Variants in NLGN1 observed in about 807,000 individuals in gnomAD.
NLGN1 encodes neuroligin 1, also known as neuroligin-1.
Under a neutral mutation model 65.5 loss-of-function variants are expected in NLGN1, and 12 were observed. The ratio of observed to expected loss-of-function variants is 0.18; its 90% CI spans 0.12 to 0.30. The LOEUF is 0.30. NLGN1 is among the 10% of genes least tolerant of loss of function. The pLI is 1.00. For missense variants in NLGN1, 750 were observed against 1,007.1 expected (o/e 0.74, Z 3.46); for synonymous variants, 350 against 359.5 (o/e 0.97, Z 0.30).
At chr3:173,760,273 C>T (rs893031326) in intron 3 of NLGN1, among the ~76,000 whole-genome samples, 6 of 151,852 alleles carry the variant, frequency 4.0e-5, no homozygotes, top group South Asian at 2.1e-4. Context: ...AAGAAGAATC[C>T]GCATTGAATT....
At chr3:174,137,573 G>A (rs549697706) in intron 4 of NLGN1, among the ~76,000 whole-genome samples, 135 of 152,202 alleles carry the variant, frequency 8.9e-4, no homozygotes, top group African/African-American at 3.0e-3. Flanking sequence ...TCATGGTACT[G>A]AAACAATTTT....
At chr3:174,044,630 AG>A (rs773818437) in intron 4 of NLGN1, among the ~76,000 whole-genome samples, 1 of 152,056 alleles carries the variant, frequency 6.6e-6, no homozygotes, top group Non-Finnish European at 1.5e-5. Flanking sequence ...TATCACTATC[AG>A]CATTTTGGTC....
At chr3:173,399,769 A>G (rs960152995) in intron 1 of NLGN1, 4 of 152,180 alleles carry the variant, frequency 2.6e-5, no homozygotes, top group African/African-American at 4.8e-5. Flanking sequence ...GGTTTTCTTT[A>G]TAGGATAATT....
intron 4 of NLGN1, among the ~76,000 whole-genome samples, chr3:173,990,311 T>G (rs1720832405): frequency 6.6e-6 from 1 of 152,178 alleles, no homozygotes; most frequent in Non-Finnish European, 1.5e-5. Flanking sequence ...AATCAAAAAG[T>G]TCTCTACAAA....
At chr3:174,063,562 T>A (rs1560953335) in intron 4 of NLGN1, among the ~76,000 whole-genome samples, 1 of 152,080 alleles carries the variant, frequency 6.6e-6, no homozygotes, top group East Asian at 1.9e-4. Context: ...TATGACAACA[T>A]TTGCACAAAG....
intron 4 of NLGN1, among the ~76,000 whole-genome samples, chr3:173,844,184 G>A (rs987485739): frequency 6.6e-6 from 1 of 151,960 alleles, no homozygotes; most frequent in Non-Finnish European, 1.5e-5. Flanking sequence ...AACCTCCCAC[G>A]GGGTCCCTCC....
At chr3:174,007,162 C>T (rs1056008490) in intron 4 of NLGN1, among the ~76,000 whole-genome samples, 5 of 152,208 alleles carry the variant, frequency 3.3e-5, no homozygotes, top group African/African-American at 7.2e-5. Flanking sequence ...CACAGTAAGA[C>T]GGTGACCATC....
intron 4 of NLGN1, among the ~76,000 whole-genome samples, chr3:174,157,415 CTA>C (rs1259233735): frequency 6.6e-6 from 1 of 151,556 alleles, no homozygotes; most frequent in African/African-American, 2.4e-5. Flanking sequence ...TTATAAGTCA[CTA>C]TTAAATATGA....
At chr3:174,095,666 A>G (rs1300271404) in intron 4 of NLGN1, among the ~76,000 whole-genome samples, 2 of 152,030 alleles carry the variant, frequency 1.3e-5, no homozygotes, top group Non-Finnish European at 1.5e-5. Context: ...GTGTGTATAG[A>G]TACATATATA....
intron 3 of NLGN1, among the ~76,000 whole-genome samples, chr3:173,665,432 C>T (rs1297942840): frequency 3.3e-5 from 5 of 152,076 alleles, no homozygotes; most frequent in South Asian, 2.1e-4. Context: ...TACTCAGTCT[C>T]GGGTATGTCT....
chr3:174,040,943 T>C (rs1732161364), intron 4 of NLGN1, among the ~76,000 whole-genome samples: 1 of 152,212 alleles, frequency 6.6e-6, no homozygotes, highest in Non-Finnish European at 1.5e-5. Context: ...CCTCAACATG[T>C]ACGTCATTAA....
intron 4 of NLGN1, among the ~76,000 whole-genome samples, chr3:174,108,955 C>T (rs1714590792): frequency 1.3e-5 from 2 of 152,032 alleles, no homozygotes; most frequent in South Asian, 2.1e-4. Context: ...ATATATAGTA[C>T]ATACACACAC....
intron 2 of NLGN1, among the ~76,000 whole-genome samples, chr3:173,469,350 T>C (rs1258515950): frequency 6.6e-6 from 1 of 152,038 alleles, no homozygotes; most frequent in African/African-American, 2.4e-5. Context: ...AACATAGCAA[T>C]ACCTCCCAGA....
chr3:173,488,174 A>G (rs1402094999), intron 2 of NLGN1, among the ~76,000 whole-genome samples: 1 of 151,990 alleles, frequency 6.6e-6, no homozygotes, highest in African/African-American at 2.4e-5. Context: ...CCATAATTAT[A>G]TCTTCTTTTC....
At chr3:174,243,363 G>C (rs140363285) in intron 4 of NLGN1, among the ~76,000 whole-genome samples, 2 of 152,130 alleles carry the variant, frequency 1.3e-5, no homozygotes, top group African/African-American at 2.4e-5. Context: ...TGGAGACTCA[G>C]TCACTATGGC....
intron 5 of NLGN1, among the ~76,000 whole-genome samples, chr3:174,277,680 T>TATTA (rs1242150894): frequency 2.0e-5 from 3 of 151,912 alleles, no homozygotes; most frequent in African/African-American, 7.2e-5. Flanking sequence ...AACAAATGTA[T>TATTA]ATTAATACTG....
intron 4 of NLGN1, among the ~76,000 whole-genome samples, chr3:173,996,491 C>T (rs1249685717): frequency 6.6e-6 from 1 of 152,092 alleles, no homozygotes; most frequent in African/African-American, 2.4e-5. Context: ...ATTTGAGAAA[C>T]CATTGCCTTA....
intron 4 of NLGN1, among the ~76,000 whole-genome samples, chr3:174,164,029 A>G (rs547470117): frequency 6.6e-6 from 1 of 152,200 alleles, no homozygotes; most frequent in East Asian, 1.9e-4. Context: ...ACAGTAGCTG[A>G]ACTAATTTAC....
intron 2 of NLGN1, among the ~76,000 whole-genome samples, chr3:173,567,599 T>C (rs1743900709): frequency 6.6e-6 from 1 of 151,428 alleles, no homozygotes; most frequent in Admixed American, 6.6e-5. Flanking sequence ...CTGAACATTT[T>C]ACTGTATTTT....
Sources: allele counts gnomAD v4.1 joint callset (sites outside exome capture counted in the v4.1 genomes callset), GRCh38; gene constraint gnomAD v4.1.1; transcripts MANE v1.5; gene names NCBI Gene and HGNC (gene_info 2026-07-23, HGNC 2026-07-21).